Variants in UNC13C observed in about 807,000 individuals in gnomAD.
UNC13C encodes the protein unc-13 homolog C, also known as protein unc-13 homolog C.
UNC13C carries 174 observed loss-of-function variants against 245.4 expected under a neutral mutation model. The observed-to-expected ratio is 0.71, with a 90% confidence interval of 0.63 to 0.80. The LOEUF (loss-of-function observed/expected upper bound fraction) is 0.80, where lower values mean the gene tolerates loss of function less well. Among genes scored for constraint, UNC13C ranks in the 30% least tolerant of loss-of-function variants. UNC13C has a pLI of 0.00. For synonymous variants in UNC13C, 992 were observed against 895.1 expected, an observed-to-expected ratio of 1.11 and a Z score of -1.93; for missense variants, 2,829 against 2,602.9, an observed-to-expected ratio of 1.09 and a Z score of -1.89.
chr15:54,602,329 C>A (rs1899483392), intron 30 of UNC13C, among the ~76,000 whole-genome samples: 1 of 152,172 alleles, frequency 6.6e-6, no homozygotes, highest in South Asian at 2.1e-4. Flanking sequence ...ATGAATTTCA[C>A]TGGGCTGACA....
At position 54,626,947 on chromosome 15, in the gene UNC13C, C is replaced by T. The variant is rs751446706; in HGVS notation, c.6479C>T (p.Ala2160Val). The T allele has an allele frequency of 5.6e-6, 9 of 1,613,422 alleles. No homozygotes were observed. In the East Asian group the frequency reaches 6.7e-5, roughly 12 times the overall value. The change falls in exon 33 of 33, where the codon GCA becomes GTA. Residue 2160 changes from alanine (A) to valine (V), a missense_variant. Physicochemically the swap from Ala to Val is moderately conservative, Grantham distance 64. Transcript: ENST00000260323. ...ACAGTCATTCAGCTACAGAACATAG[C>T]AGAAAAGGGAAGCTATGGGGCATGG... is the stretch of plus-strand genomic sequence containing the variant. ...GMTVIQLQNI[A>V]EKGSYGAWYP...
chr15:54,113,021 A>T (rs938460275), intron 2 of UNC13C, among the ~76,000 whole-genome samples: 20 of 152,350 alleles, frequency 1.3e-4, no homozygotes, highest in East Asian at 7.7e-4. Context: ...TTTTCAGGTT[A>T]AATGGATATG....
chr15:54,350,673 T>C (rs906610892), intron 17 of UNC13C, among the ~76,000 whole-genome samples: 4 of 152,222 alleles, frequency 2.6e-5, no homozygotes, highest in Admixed American at 2.0e-4. Context: ...AGATTTAATG[T>C]TGACTCTTTC....
At chr15:54,622,052 A>G (rs1900828997) in intron 30 of UNC13C, among the ~76,000 whole-genome samples, 2 of 152,134 alleles carry the variant, frequency 1.3e-5, no homozygotes, top group Non-Finnish European at 2.9e-5. Flanking sequence ...CTAGTAAATC[A>G]ACCCTAGTTC....
At chr15:54,237,568 T>C (rs1457982730) in intron 6 of UNC13C, 51 bp from the exon 7 acceptor site, 3 of 1,373,018 alleles carry the variant, frequency 2.2e-6, no homozygotes, top group Admixed American at 3.7e-5. Context: ...GAGCAGTATA[T>C]GCACGTCAAC....
At chr15:54,561,313 G>C (rs1897290548) in intron 29 of UNC13C, among the ~76,000 whole-genome samples, 1 of 152,008 alleles carries the variant, frequency 6.6e-6, no homozygotes, top group Non-Finnish European at 1.5e-5. Context: ...TTATAACAGT[G>C]TAAGAGATGG....
intron 2 of UNC13C, among the ~76,000 whole-genome samples, chr15:54,138,862 C>G (rs2031865031): frequency 6.6e-6 from 1 of 151,200 alleles, no homozygotes; most frequent in African/African-American, 2.4e-5. Context: ...GAGGCCTCTC[C>G]CCAAGTTTCT....
intron 7 of UNC13C, among the ~76,000 whole-genome samples, chr15:54,249,277 T>G (rs1314615407): frequency 2.0e-5 from 3 of 152,248 alleles, no homozygotes; most frequent in Admixed American, 1.3e-4. Flanking sequence ...TACTAAGTGC[T>G]TATTTGGTGT....
chr15:54,227,891 A>G (rs2035437984), intron 4 of UNC13C, among the ~76,000 whole-genome samples: 2 of 152,174 alleles, frequency 1.3e-5, no homozygotes, highest in Non-Finnish European at 2.9e-5. Context: ...ACGCTCCACA[A>G]TAAGCAGGTG....
intron 14 of UNC13C, 67 bp from the exon 15 acceptor site, chr15:54,331,976 A>C: frequency 9.8e-7 from 1 of 1,024,752 alleles, no homozygotes; most frequent in South Asian, 1.7e-5. Context: ...CAAAACTCAG[A>C]ATTATTATGA....
chr15:54,006,414 T>G (rs560613523), intron 1 of UNC13C, among the ~76,000 whole-genome samples: 14 of 152,312 alleles, frequency 9.2e-5, no homozygotes, highest in Admixed American at 3.9e-4. Flanking sequence ...GATAAACCTT[T>G]TAATCACTTT....
intron 10 of UNC13C, among the ~76,000 whole-genome samples, chr15:54,280,771 T>C (rs1403906356): frequency 7.6e-6 from 1 of 132,146 alleles, no homozygotes; most frequent in African/African-American, 3.6e-5. Flanking sequence ...CATACATACA[T>C]ATATATATAT....
chr15:54,376,133 T>C (rs2140891019), intron 17 of UNC13C, among the ~76,000 whole-genome samples: 1 of 152,298 alleles, frequency 6.6e-6, no homozygotes, highest in Non-Finnish European at 1.5e-5. Flanking sequence ...TAGTATCTAG[T>C]AGTAACTGTG....
At chr15:54,572,383 C>T (rs765044227) in intron 30 of UNC13C, among the ~76,000 whole-genome samples, 1 of 150,928 alleles carries the variant, frequency 6.6e-6, no homozygotes, top group Non-Finnish European at 1.5e-5. Context: ...AATCATTTAC[C>T]TTATGATCAT....
intron 30 of UNC13C, among the ~76,000 whole-genome samples, chr15:54,610,447 G>C (rs961242937): frequency 6.6e-6 from 1 of 152,080 alleles, no homozygotes; most frequent in Non-Finnish European, 1.5e-5. Context: ...TGTTGTCCAG[G>C]CTGGTCTCAA....
chr15:54,119,997 A>G (rs573439158), intron 2 of UNC13C, among the ~76,000 whole-genome samples: 6 of 152,228 alleles, frequency 3.9e-5, no homozygotes, highest in South Asian at 4.1e-4. Context: ...AGCTCTCTCC[A>G]TAACATAAAA....
At chr15:54,369,968 G>C (rs767577399) in intron 17 of UNC13C, among the ~76,000 whole-genome samples, 2 of 152,038 alleles carry the variant, frequency 1.3e-5, no homozygotes, top group Non-Finnish European at 2.9e-5. Flanking sequence ...GTGTTTTTAA[G>C]GGTGGCGAGA....
At chr15:54,293,008 A>G (rs745324343) in intron 10 of UNC13C, among the ~76,000 whole-genome samples, 1 of 150,808 alleles carries the variant, frequency 6.6e-6, no homozygotes, top group Admixed American at 6.6e-5. Flanking sequence ...GTGTGTGTGT[A>G]TATACATATA....
intron 13 of UNC13C, among the ~76,000 whole-genome samples, chr15:54,310,145 C>T (rs1309173872): frequency 1.3e-5 from 2 of 151,572 alleles, no homozygotes; most frequent in Non-Finnish European, 2.9e-5. Flanking sequence ...GTTTGCAGCA[C>T]CTCTGAGTCA....
Sources: allele counts gnomAD v4.1 joint callset (sites outside exome capture counted in the v4.1 genomes callset), GRCh38; gene constraint gnomAD v4.1.1; transcripts MANE v1.5; gene names NCBI Gene and HGNC (gene_info 2026-07-23, HGNC 2026-07-21).